Variants in WWOX observed in about 807,000 individuals in gnomAD.
The protein encoded by WWOX is WW domain-containing oxidoreductase.
WWOX carries 69 observed loss-of-function variants against 46.2 expected under a neutral mutation model. The ratio of observed to expected loss-of-function variants is 1.49; its 90% CI spans 1.23 to 1.82. The LOEUF is 1.82. Among genes scored for constraint, WWOX ranks in the 40% most tolerant of loss-of-function variants. WWOX has a pLI of 0.00. For missense variants in WWOX, 919 were observed against 542.6 expected (o/e 1.69, Z -6.89); for synonymous variants, 359 against 202.6 (o/e 1.77, Z -6.56).
intron 5 of WWOX, among the ~76,000 whole-genome samples, chr16:78,202,960 G>A (rs2036279995): frequency 6.6e-6 from 1 of 152,166 alleles, no homozygotes; most frequent in South Asian, 2.1e-4. Flanking sequence ...ATAAAAACAT[G>A]TTTCAGTAGT....
intron 8 of WWOX, among the ~76,000 whole-genome samples, chr16:78,646,801 G>C (rs1246996555): frequency 6.6e-6 from 1 of 152,126 alleles, no homozygotes; most frequent in East Asian, 1.9e-4. Flanking sequence ...CTGAAGTCAG[G>C]GACCATGCCT....
chr16:78,739,978 C>G (rs933253307), intron 8 of WWOX, among the ~76,000 whole-genome samples: 1 of 152,140 alleles, frequency 6.6e-6, no homozygotes, highest in Non-Finnish European at 1.5e-5. Context: ...AATTATCTCA[C>G]CGGTGGAGAC....
chr16:79,150,120 G>A (rs530929531), intron 8 of WWOX, among the ~76,000 whole-genome samples: 1 of 152,200 alleles, frequency 6.6e-6, no homozygotes, highest in African/African-American at 2.4e-5. Flanking sequence ...CAATGGCTCT[G>A]GTTCACCAAG....
At chr16:78,190,129 T>C (rs2035838416) in intron 5 of WWOX, among the ~76,000 whole-genome samples, 1 of 152,184 alleles carries the variant, frequency 6.6e-6, no homozygotes, top group Non-Finnish European at 1.5e-5. Context: ...GGGCCAGTTA[T>C]GGTCTGTTAC....
intron 5 of WWOX, among the ~76,000 whole-genome samples, chr16:78,211,211 G>T (rs567319287): frequency 6.6e-6 from 1 of 152,278 alleles, no homozygotes; most frequent in East Asian, 1.9e-4. Context: ...AATTTCCCAC[G>T]AGTCTAGGGT....
intron 5 of WWOX, among the ~76,000 whole-genome samples, chr16:78,229,500 C>CTATATATATATATATA (rs1202195249): frequency 9.0e-6 from 1 of 110,528 alleles, no homozygotes; most frequent in African/African-American, 3.3e-5. Flanking sequence ...ATATATTTAT[C>CTATATATATATATATA]TATATCTATA....
chr16:78,774,393 A>G (rs900361314), intron 8 of WWOX, among the ~76,000 whole-genome samples: 12 of 152,140 alleles, frequency 7.9e-5, no homozygotes, highest in African/African-American at 2.4e-4. Context: ...GAGCGAGACA[A>G]TGTCTCAAAA....
intron 8 of WWOX, among the ~76,000 whole-genome samples, chr16:78,944,650 A>G (rs1007464468): frequency 2.6e-5 from 4 of 152,098 alleles, no homozygotes; most frequent in African/African-American, 4.8e-5. Context: ...CACCCATCCA[A>G]TTGCTTTTGC....
At chr16:78,433,799 TTTTTTTTTG>T (rs2083276472) in intron 8 of WWOX, among the ~76,000 whole-genome samples, 3 of 125,934 alleles carry the variant, frequency 2.4e-5, no homozygotes, top group Non-Finnish European at 4.9e-5. Flanking sequence ...TTTTTTTTTT[TTTTTTTTTG>T]AGACGGAGTC....
chr16:79,055,826 G>C (rs971747854), intron 8 of WWOX, among the ~76,000 whole-genome samples: 2 of 152,152 alleles, frequency 1.3e-5, no homozygotes, highest in Non-Finnish European at 2.9e-5. Flanking sequence ...AAGTGAGTCA[G>C]ACTTCTTAGG....
chr16:78,693,482 TA>T (rs1352688226), intron 8 of WWOX, among the ~76,000 whole-genome samples: 1 of 152,196 alleles, frequency 6.6e-6, no homozygotes, highest in African/African-American at 2.4e-5. Flanking sequence ...ACATAATCCC[TA>T]ACCATGATAA....
intron 8 of WWOX, among the ~76,000 whole-genome samples, chr16:78,510,524 C>G (rs1386120900): frequency 6.6e-6 from 1 of 152,100 alleles, no homozygotes; most frequent in Non-Finnish European, 1.5e-5. Context: ...TTTCATCTTT[C>G]TGATTAACTG....
chr16:78,913,214 T>G lies in WWOX; in HGVS notation c.1057-298394T>G, dbSNP rs143641718. Among the ~76,000 whole-genome samples the G allele has an allele frequency of 7.8e-4, 119 of 152,130 alleles. 1 individual carries two copies. The East Asian group carries it at 0.021, about 27-fold the overall frequency. On this transcript the variant is annotated intron_variant, in intron 8 of 8. Transcript: ENST00000566780. ...ACCTCATCCTTGCAGGGAGTGGGCTTGAGATAATTCTCGTTACAAGTTTGC... is the reference window on the plus strand; with the variant it reads ...ACCTCATCCTTGCAGGGAGTGGGCTGGAGATAATTCTCGTTACAAGTTTGC...
At chr16:78,634,519 A>C (rs2046517157) in intron 8 of WWOX, among the ~76,000 whole-genome samples, 1 of 151,990 alleles carries the variant, frequency 6.6e-6, no homozygotes. Flanking sequence ...CAGCCTGGCC[A>C]ACATGGTGAA....
chr16:79,008,488 C>T (rs956122353), intron 8 of WWOX, among the ~76,000 whole-genome samples: 1 of 152,140 alleles, frequency 6.6e-6, no homozygotes, highest in Admixed American at 6.5e-5. Flanking sequence ...AGTTGCCGCC[C>T]ACACTCAAGA....
At chr16:78,943,442 A>AG (rs962404934) in intron 8 of WWOX, among the ~76,000 whole-genome samples, 1 of 151,176 alleles carries the variant, frequency 6.6e-6, no homozygotes, top group African/African-American at 2.5e-5. Flanking sequence ...GAACTCCTAG[A>AG]GGGAGAAACA....
chr16:79,189,776 A>G (rs1030503006), intron 8 of WWOX, among the ~76,000 whole-genome samples: 1 of 151,346 alleles, frequency 6.6e-6, no homozygotes, highest in African/African-American at 2.4e-5. Context: ...GCGAATACAC[A>G]GTTGTTACCT....
At chr16:79,111,526 C>G (rs2049416241) in intron 8 of WWOX, among the ~76,000 whole-genome samples, 3 of 152,130 alleles carry the variant, frequency 2.0e-5, no homozygotes, top group African/African-American at 7.2e-5. Flanking sequence ...GAATAGTCAT[C>G]ATGGTTTCAC....
chr16:78,797,870 C>G (rs1257478634), intron 8 of WWOX, among the ~76,000 whole-genome samples: 2 of 152,174 alleles, frequency 1.3e-5, no homozygotes, highest in Admixed American at 6.5e-5. Context: ...TGCCTGTAGT[C>G]CTAGCTACTC....
Sources: allele counts gnomAD v4.1 joint callset (sites outside exome capture counted in the v4.1 genomes callset), GRCh38; gene constraint gnomAD v4.1.1; transcripts MANE v1.5; gene names NCBI Gene and HGNC (gene_info 2026-07-23, HGNC 2026-07-21).